Variants in PDK3 observed in about 807,000 individuals in gnomAD.
PDK3 encodes pyruvate dehydrogenase kinase, isozyme 3.
PDK3 carries 12 observed loss-of-function variants against 32.0 expected under a neutral mutation model. The observed-to-expected ratio is 0.37, with a 90% CI of 0.24 to 0.61. PDK3 has a LOEUF of 0.61. PDK3 is among the 20% of genes least tolerant of loss of function. The probability of loss-of-function intolerance (pLI) is 0.65; values close to 1 mark genes in which losing one functional copy is unlikely to be tolerated. For synonymous variants in PDK3, 122 were observed against 116.3 expected (o/e 1.05, Z -0.31); for missense variants, 188 against 316.9 (o/e 0.59, Z 3.09).
At chrX:24,494,136 A>C (rs901329939) in intron 1 of PDK3, among the ~76,000 whole-genome samples, 1 of 111,953 alleles carries the variant, frequency 8.9e-6, no homozygotes, top group African/African-American at 3.2e-5. Flanking sequence ...TCTGCCTCTG[A>C]GTATACCCAG....
intron 8 of PDK3, 22 bp from the exon 9 acceptor site, chrX:24,528,054 G>T (rs373549857): frequency 2.1e-6 from 2 of 951,659 alleles, no homozygotes; most frequent in Non-Finnish European, 3.0e-6. Flanking sequence ...TGTTTTGATT[G>T]TTAACATTTT....
intron 4 of PDK3, among the ~76,000 whole-genome samples, chrX:24,504,943 C>T (rs746119486): frequency 2.7e-5 from 3 of 111,731 alleles, no homozygotes; most frequent in South Asian, 7.5e-4. Flanking sequence ...AGAGGAAGAA[C>T]GGATTGGGCA....
At chrX:24,512,340 A>G (rs1353932363) in intron 5 of PDK3, among the ~76,000 whole-genome samples, 1 of 112,162 alleles carries the variant, frequency 8.9e-6, no homozygotes, top group African/African-American at 3.2e-5. Flanking sequence ...CTTACATGCT[A>G]TTACTGCTTA....
At chrX:24,500,181 GA>G (rs1165483896) in intron 3 of PDK3, among the ~76,000 whole-genome samples, 62 of 101,901 alleles carry the variant, frequency 6.1e-4, no homozygotes, top group Non-Finnish European at 1.2e-4. Flanking sequence ...AGATATTCAG[GA>G]AAAAAAAAAG....
Position 24,494,782 on chromosome X carries a change from A to G in PDK3, c.147A>G (p.Leu49=). 8.3e-7 allele frequency: 1 copy of G among 1,197,800 alleles called. No homozygotes were observed. The highest frequency in any genetic ancestry group is 1.1e-6 in the Non-Finnish European group (1 of 883,709). Residue 49 remains leucine (L), a synonymous_variant, in exon 2 of 11, where the codon CTA becomes CTG. Transcript: ENST00000379162. ...GTGAGAAAACTTCATATATGTTTCT[A>G]CGAAAGGAACTTCCTGTGCGGCTGG... ...NACEKTSYMF[L]RKELPVRLAN...
At chrX:24,470,415 G>A (rs754510595) in intron 1 of PDK3, among the ~76,000 whole-genome samples, 3 of 110,881 alleles carry the variant, frequency 2.7e-5, no homozygotes, top group Non-Finnish European at 5.7e-5. Context: ...GGCTAGGCGC[G>A]GTGGCTCATG....
At chrX:24,516,822 G>A (rs1247576563) in intron 5 of PDK3, among the ~76,000 whole-genome samples, 15 of 106,951 alleles carry the variant, frequency 1.4e-4, no homozygotes, top group Non-Finnish European at 2.5e-4. Flanking sequence ...TTGAGATGGA[G>A]TCTTGCTCTT....
At chrX:24,499,398 T>C (rs1921796207) in intron 3 of PDK3, among the ~76,000 whole-genome samples, 1 of 82,267 alleles carries the variant, frequency 1.2e-5, no homozygotes, top group African/African-American at 5.4e-5. Flanking sequence ...TGGCAAATTA[T>C]CATGCTGATG....
intron 1 of PDK3, among the ~76,000 whole-genome samples, chrX:24,481,835 AGGT>A (rs1403990806): frequency 2.7e-5 from 3 of 111,921 alleles, no homozygotes; most frequent in African/African-American, 6.5e-5. Context: ...ACTCAGTCTC[AGGT>A]AGTTCTTTCT....
At chrX:24,497,002 G>A (rs963992119) in intron 2 of PDK3, among the ~76,000 whole-genome samples, 8 of 108,151 alleles carry the variant, frequency 7.4e-5, no homozygotes, top group Non-Finnish European at 1.1e-4. Context: ...GGTTGGTCTC[G>A]ATCTCCTGAC....
In PDK3 at chrX:24,528,555, C is replaced by T. The variant is rs151076259; in HGVS notation, c.963+369C>T. Among the ~76,000 whole-genome samples, 971 of 112,738 alleles carry T rather than the reference C, an allele frequency of 8.6e-3. 22 individuals are homozygous for T. Among genetic ancestry groups the T allele is most frequent in the Admixed American group, 0.066 (704 of 10,682 alleles). ...GGGACAGTACTGAATGCATAGCTGCCGCTTGGTCCTGCGCACTCTGGCGTG... is the reference window on the plus strand; with the variant it reads ...GGGACAGTACTGAATGCATAGCTGCTGCTTGGTCCTGCGCACTCTGGCGTG... On this transcript the variant is annotated intron_variant, in intron 9 of 10. Coordinates refer to ENST00000379162, the MANE Select transcript of PDK3 (RefSeq NM_005391.5).
chrX:24,527,276 T>C (rs1312097219), intron 7 of PDK3, among the ~76,000 whole-genome samples: 4 of 92,632 alleles, frequency 4.3e-5, no homozygotes, highest in Non-Finnish European at 8.4e-5. Context: ...AGTTGAATAA[T>C]TTAAATACCG....
chrX:24,528,227 A>C, intron 9 of PDK3, 41 bp downstream of exon 9: 2 of 739,488 alleles, frequency 2.7e-6, no homozygotes, highest in Non-Finnish European at 4.2e-6. Flanking sequence ...GATCATAAAC[A>C]CAGGAAGGGG....
chrX:24,475,777 TCTGATAAGG>T (rs1318240579), intron 1 of PDK3, among the ~76,000 whole-genome samples: 2 of 111,403 alleles, frequency 1.8e-5, no homozygotes, highest in African/African-American at 6.5e-5. Context: ...GCCTTTAAGA[TCTGATAAGG>T]CTGCATTTTA....
exon 12 of PDK3, among the ~76,000 whole-genome samples, chrX:24,542,806 T>C (rs1009435786): frequency 8.9e-6 from 1 of 112,754 alleles, no homozygotes; most frequent in Non-Finnish European, 1.9e-5. Flanking sequence ...TGAGAGCTGA[T>C]GTTTTTATCT....
At chrX:24,522,731 C>A (rs1343022933) in intron 6 of PDK3, among the ~76,000 whole-genome samples, 1 of 110,118 alleles carries the variant, frequency 9.1e-6, no homozygotes, top group East Asian at 2.8e-4. Context: ...CATGGTGAAA[C>A]CCTGTGTCTA....
At chrX:24,523,872 G>A (rs1922458360) in intron 6 of PDK3, among the ~76,000 whole-genome samples, 1 of 111,646 alleles carries the variant, frequency 9.0e-6, no homozygotes, top group African/African-American at 3.3e-5. Context: ...GGATATGAAC[G>A]CCAGCTCCCT....
intron 3 of PDK3, among the ~76,000 whole-genome samples, chrX:24,500,810 GAT>G (rs1355487485): frequency 8.9e-6 from 1 of 111,829 alleles, no homozygotes; most frequent in Non-Finnish European, 1.9e-5. Flanking sequence ...GATCATTTAT[GAT>G]AGAGTTTAGA....
At chrX:24,494,009 G>A (rs1241565968) in intron 1 of PDK3, among the ~76,000 whole-genome samples, 1 of 111,970 alleles carries the variant, frequency 8.9e-6, no homozygotes, top group Non-Finnish European at 1.9e-5. Flanking sequence ...CTCTCATGGC[G>A]TCTTGTTTAT....
Sources: gnomAD v4.1 joint callset for allele counts (sites outside exome capture counted in the v4.1 genomes callset) on GRCh38, gnomAD v4.1.1 for gene constraint, MANE v1.5 for transcripts, NCBI Gene and HGNC (gene_info 2026-07-23, HGNC 2026-07-21) for gene names.